The following DPP6 variants were observed in gnomAD, a reference collection of about 807,000 sequenced individuals.
The protein encoded by DPP6 is dipeptidyl peptidase like 6.
A neutral mutation model predicts 122.6 loss-of-function variants in DPP6; 69 were observed. The observed-to-expected ratio is 0.56, with a 90% CI of 0.46 to 0.69. DPP6 has a LOEUF of 0.69. DPP6 is among the 30% of genes least tolerant of loss of function. DPP6 has a pLI of 0.00. For missense variants in DPP6, 928 were observed against 1,116.9 expected (o/e 0.83, Z 2.41); for synonymous variants, 418 against 433.1 (o/e 0.97, Z 0.43).
At chr7:154,498,016 T>C (rs185019360) in intron 3 of DPP6, among the ~76,000 whole-genome samples, 2 of 152,220 alleles carry the variant, frequency 1.3e-5, no homozygotes, top group Admixed American at 6.5e-5. Flanking sequence ...GGAGAAGATA[T>C]TCTGTCATCA....
chr7:154,106,583 T>C (rs1470924622), intron 1 of DPP6, among the ~76,000 whole-genome samples: 2 of 147,044 alleles, frequency 1.4e-5, no homozygotes, highest in African/African-American at 5.1e-5. Flanking sequence ...ATGTGAATGC[T>C]CCTGACTTTG....
chr7:154,776,908 C>A (rs1228759988), intron 10 of DPP6, among the ~76,000 whole-genome samples: 1 of 152,240 alleles, frequency 6.6e-6, no homozygotes. Flanking sequence ...TTTCTGGAAG[C>A]CTGCAGTTTA....
intron 7 of DPP6, among the ~76,000 whole-genome samples, chr7:154,718,953 T>A (rs1026107904): frequency 6.6e-6 from 1 of 152,136 alleles, no homozygotes; most frequent in African/African-American, 2.4e-5. Context: ...TTGGGTCACA[T>A]CTAGGAAATG....
At chr7:154,399,510 A>T (rs1316205864) in intron 1 of DPP6, among the ~76,000 whole-genome samples, 1 of 152,204 alleles carries the variant, frequency 6.6e-6, no homozygotes, top group Non-Finnish European at 1.5e-5. Flanking sequence ...TCATATATGG[A>T]TTAGAAATTG....
intron 1 of DPP6, among the ~76,000 whole-genome samples, chr7:154,064,459 T>A (rs1223828252): frequency 6.6e-6 from 1 of 152,136 alleles, no homozygotes; most frequent in African/African-American, 2.4e-5. Flanking sequence ...CTCTCAGTGA[T>A]AGACACATTC....
At chr7:153,927,312 C>G (rs1271353140) in intron 1 of DPP6, among the ~76,000 whole-genome samples, 2 of 152,104 alleles carry the variant, frequency 1.3e-5, no homozygotes, top group Non-Finnish European at 2.9e-5. Context: ...GACCCATTCT[C>G]TAAAATCAAT....
intron 1 of DPP6, among the ~76,000 whole-genome samples, chr7:154,251,106 C>T (rs894544990): frequency 2.0e-5 from 3 of 152,216 alleles, no homozygotes; most frequent in Non-Finnish European, 4.4e-5. Context: ...GTCTGGCTGA[C>T]TGCGGGAATG....
At chr7:154,620,384 T>G (rs1269183601) in intron 5 of DPP6, among the ~76,000 whole-genome samples, 3 of 152,222 alleles carry the variant, frequency 2.0e-5, no homozygotes, top group Non-Finnish European at 4.4e-5. Context: ...GGTCCTTTTC[T>G]TCCCAACCCA....
At chr7:154,064,316 C>A (rs1802530478) in intron 1 of DPP6, among the ~76,000 whole-genome samples, 1 of 152,200 alleles carries the variant, frequency 6.6e-6, no homozygotes, top group East Asian at 1.9e-4. Flanking sequence ...GAGTCTCCAG[C>A]AGGACCTTTT....
chr7:154,225,421 C>G (rs1016045296), intron 1 of DPP6, among the ~76,000 whole-genome samples: 2 of 152,076 alleles, frequency 1.3e-5, no homozygotes, highest in African/African-American at 4.8e-5. Flanking sequence ...CCTCTCTTGA[C>G]CTTGCCTTCT....
chr7:154,158,050 G>T (rs1208582077), intron 1 of DPP6, among the ~76,000 whole-genome samples: 1 of 148,840 alleles, frequency 6.7e-6, no homozygotes, highest in Non-Finnish European at 1.5e-5. Flanking sequence ...AATAGATGAA[G>T]ATTAACTCTT....
At chr7:154,836,154 G>GCTGC (rs1281234070) in intron 16 of DPP6, among the ~76,000 whole-genome samples, 3 of 152,190 alleles carry the variant, frequency 2.0e-5, no homozygotes, top group South Asian at 4.1e-4. Flanking sequence ...CCTTGTTTCT[G>GCTGC]CTGCCTGCCT....
rs539687279 is a variant in DPP6 at position 154,060,482 on chromosome 7, C to T, written c.243+7419C>T. The stretch of plus-strand genomic sequence containing the variant: ...TCCCCCTCTGGCTTAGGACCTCCAT[C>T]GTTGATCCTAAGATCCTTAGGACCC... On this transcript the variant is annotated intron_variant, in intron 1 of 25. Transcript: ENST00000377770. Among the ~76,000 whole-genome samples the T allele has an allele frequency of 5.9e-5, 8 of 135,876 alleles. 2 individuals are homozygous for T. Among genetic ancestry groups the T allele is most frequent in the Non-Finnish European group, 1.1e-4 (7 of 63,688 alleles). The allele number at this position is 135,876 out of a possible 152,430, so 89.1% of individuals were successfully genotyped here. A position where few individuals can be genotyped will look rare whatever the true frequency, so the allele number is the denominator to read the frequency against.
At chr7:153,928,954 G>A (rs764260053) in intron 1 of DPP6, among the ~76,000 whole-genome samples, 7 of 152,120 alleles carry the variant, frequency 4.6e-5, no homozygotes, top group Non-Finnish European at 8.8e-5. Flanking sequence ...GAAAGGTAAC[G>A]GAATAAACAT....
intron 1 of DPP6, among the ~76,000 whole-genome samples, chr7:154,104,930 C>T (rs1467835307): frequency 1.3e-5 from 2 of 152,236 alleles, no homozygotes; most frequent in East Asian, 3.9e-4. Context: ...TGGTGGCACA[C>T]CTCTGTGTGT....
chr7:153,937,973 AT>A (rs924581258), intron 1 of DPP6, among the ~76,000 whole-genome samples: 17 of 152,216 alleles, frequency 1.1e-4, no homozygotes, highest in African/African-American at 4.1e-4. Context: ...GTTCAAAAAA[AT>A]ATATGACAGG....
At chr7:153,938,001 C>T (rs1301512864) in intron 1 of DPP6, among the ~76,000 whole-genome samples, 1 of 152,138 alleles carries the variant, frequency 6.6e-6, no homozygotes, top group Non-Finnish European at 1.5e-5. Flanking sequence ...GAGGGCTGTC[C>T]TAGTTCTCTC....
At chr7:154,063,216 CG>C (rs1802299353) in intron 1 of DPP6, among the ~76,000 whole-genome samples, 1 of 128,476 alleles carries the variant, frequency 7.8e-6, no homozygotes, top group African/African-American at 2.9e-5. Context: ...GGCACCCCCC[CG>C]CGAGGCAGGG....
chr7:154,884,487 TCACA>T (rs757138455), intron 21 of DPP6: 2 of 143,128 alleles, frequency 1.4e-5, no homozygotes, highest in African/African-American at 2.8e-5. Context: ...TGACACATGC[TCACA>T]CACACGATTA....
Sources: gnomAD v4.1 joint callset for allele counts (sites outside exome capture counted in the v4.1 genomes callset) on GRCh38, gnomAD v4.1.1 for gene constraint, MANE v1.5 for transcripts, NCBI Gene and HGNC (gene_info 2026-07-23, HGNC 2026-07-21) for gene names.